Variants in NRXN2 observed in about 807,000 individuals in gnomAD.
NRXN2 encodes neurexin-2-beta.
In NRXN2, 29 loss-of-function variants were observed where a neutral mutation model predicts 128.8. The observed-to-expected ratio is 0.23, with a 90% CI of 0.17 to 0.31. The LOEUF (loss-of-function observed/expected upper bound fraction) is 0.31, where lower values mean the gene tolerates loss of function less well. Among genes scored for constraint, NRXN2 ranks in the 10% least tolerant of loss-of-function variants. The probability of loss-of-function intolerance (pLI) is 1.00; values close to 1 mark genes in which losing one functional copy is unlikely to be tolerated. For missense variants in NRXN2, 1,881 were observed against 2,452.6 expected (o/e 0.77, Z 4.92); for synonymous variants, 1,098 against 1,075.2 (o/e 1.02, Z -0.41).
intron 1 of NRXN2, among the ~76,000 whole-genome samples, chr11:64,718,805 C>G (rs571897454): frequency 5.3e-5 from 8 of 152,262 alleles, no homozygotes; most frequent in African/African-American, 1.7e-4. Context: ...CCTACCTCCC[C>G]CTTCCTTCCA....
intron 5 of NRXN2, chr11:64,688,585 C>CT (rs1436883181): frequency 2.0e-6 from 2 of 985,294 alleles, no homozygotes; most frequent in Admixed American, 1.2e-4. Flanking sequence ...GCGCTCTCCC[C>CT]TATCTCGCCG....
At chr11:64,715,512 C>G (rs1412612480) in intron 1 of NRXN2, among the ~76,000 whole-genome samples, 1 of 152,104 alleles carries the variant, frequency 6.6e-6, no homozygotes, top group Admixed American at 6.6e-5. Flanking sequence ...AACGAGGGAC[C>G]CCCTAAAAAA....
chr11:64,680,099 C>T (rs895026505), intron 6 of NRXN2, among the ~76,000 whole-genome samples: 3 of 152,220 alleles, frequency 2.0e-5, no homozygotes, highest in Non-Finnish European at 4.4e-5. Context: ...CACATCATAT[C>T]ATGTGGTCAT....
chr11:64,696,995 C>T (rs1465313233), intron 3 of NRXN2, among the ~76,000 whole-genome samples: 1 of 152,148 alleles, frequency 6.6e-6, no homozygotes, highest in African/African-American at 2.4e-5. Context: ...AGGAGAGACA[C>T]ATGGTCCAGG....
chr11:64,655,800 GAAGA>G (rs2048191600), intron 11 of NRXN2, among the ~76,000 whole-genome samples: 1 of 152,208 alleles, frequency 6.6e-6, no homozygotes, highest in African/African-American at 2.4e-5. Context: ...GCCCCATCCA[GAAGA>G]AAGCCAGAGA....
chr11:64,608,140 G>A (rs2040001124), intron 22 of NRXN2, 58 bp from the exon 23 acceptor site: 10 of 1,297,308 alleles, frequency 7.7e-6, no homozygotes, highest in Non-Finnish European at 7.6e-6. Flanking sequence ...GGGCGCAGGC[G>A]GCCGGCACAG....
chr11:64,699,425 C>CTTTTTTTTTTTTTTTTTTTTTTTTTTT (rs67776872), intron 2 of NRXN2, among the ~76,000 whole-genome samples: 1 of 92,122 alleles, frequency 1.1e-5, no homozygotes. Context: ...TAATAGTTTT[C>CTTTTTTTTTTTTTTTTTTTTTTTTTTT]TTTTTTTTTT....
rs372643880 is a variant in NRXN2, at chr11:64,652,168, G to A, written c.2417-14C>T. 1.9e-6 allele frequency: 3 copies of A among 1,608,536 alleles called. No individual in the cohort carries two copies. Among genetic ancestry groups the A allele is most frequent in the East Asian group, 4.5e-5 (2 of 44,810 alleles). The stretch of plus-strand genomic sequence containing the variant: ...CGGGGCCTTTACCTGCGGCACCAAG[G>A]GGGGAATGAGGAGGGCACCTATACA... On this transcript the variant is annotated splice_polypyrimidine_tract_variant and intron_variant, in intron 12 of 22. Coordinates refer to ENST00000265459, the MANE Select transcript of NRXN2 (RefSeq NM_015080.4).
At position 64,685,800 on chromosome 11, in the gene NRXN2, G is replaced by A. The variant is rs752760153; in HGVS notation, c.998C>T (p.Ser333Leu). 12 of 1,614,248 alleles carry A rather than the reference G, an allele frequency of 7.4e-6. No individual in the cohort carries two copies. Among genetic ancestry groups the A allele is most frequent in the Non-Finnish European group, 6.8e-6 (8 of 1,180,046 alleles). Residue 333 changes from serine (S) to leucine (L), a missense_variant, in exon 6 of 23, where the codon TCG becomes TTG. Coordinates refer to ENST00000265459, the MANE Select transcript of NRXN2 (RefSeq NM_015080.4). ...RNGLMLHTGK[S>L]ADYVNLSLKS... ...GAGGGACAGGTTGACGTAGTCGGCC[G>A]ACTTGCCTGTATGCAGCATCAGGCC...
intron 2 of NRXN2, 184 bp downstream of exon 2, chr11:64,712,786 C>A: frequency 1.4e-6 from 1 of 706,956 alleles, no homozygotes; most frequent in South Asian, 1.5e-5. Context: ...CCCCGCCCAC[C>A]GCCAACCCCA....
Position 64,607,104 on chromosome 11 carries a change from G to A in NRXN2, c.*92C>T. On this transcript the variant is annotated 3_prime_UTR_variant, in exon 23 of 23. Transcript: ENST00000265459. ...GAGAAGCCTGAGGCAGCCAGGGAGAGGGTCCCCAGGCCCCTGGCAGGGAGA... is the reference window on the plus strand; with the variant it reads ...GAGAAGCCTGAGGCAGCCAGGGAGAAGGTCCCCAGGCCCCTGGCAGGGAGA... The A allele has an allele frequency of 2.9e-6, 4 of 1,380,406 alleles. No individual in the cohort carries two copies. The South Asian group carries it at 5.2e-5, about 18-fold the overall frequency. The allele number at this position is 1,380,406 out of a possible 1,614,324, so 85.5% of individuals were successfully genotyped here.
chr11:64,620,063 C>T (rs1311464130), intron 22 of NRXN2, among the ~76,000 whole-genome samples: 1 of 152,246 alleles, frequency 6.6e-6, no homozygotes, highest in African/African-American at 2.4e-5. Flanking sequence ...GCTCTCAACC[C>T]CAGGACCCCA....
chr11:64,717,762 G>T (rs1448278129), intron 1 of NRXN2, among the ~76,000 whole-genome samples: 1 of 152,098 alleles, frequency 6.6e-6, no homozygotes, highest in African/African-American at 2.4e-5. Context: ...AGGTCATTTT[G>T]TCACTCAGGC....
At chr11:64,626,839 CAGAGGTTAA>C (rs1337773287) in intron 19 of NRXN2, among the ~76,000 whole-genome samples, 1 of 152,182 alleles carries the variant, frequency 6.6e-6, no homozygotes, top group African/African-American at 2.4e-5. Context: ...GGTCAAAGGT[CAGAGGTTAA>C]ACAGGTTTAT....
chr11:64,643,213 G>A, intron 17 of NRXN2: 2 of 982,974 alleles, frequency 2.0e-6, no homozygotes, highest in Non-Finnish European at 2.4e-6. Flanking sequence ...ACCGAGCTGG[G>A]GAGCGGGGCG....
chr11:64,653,791 T>A, intron 11 of NRXN2, 69 bp from the exon 12 acceptor site: 1 of 1,137,788 alleles, frequency 8.8e-7, no homozygotes, highest in Non-Finnish European at 1.3e-6. Flanking sequence ...TTTTTTTTTT[T>A]ACATCCTTCA....
chr11:64,644,322 C>T (rs954782744), intron 17 of NRXN2, among the ~76,000 whole-genome samples: 2 of 152,042 alleles, frequency 1.3e-5, no homozygotes, highest in Non-Finnish European at 2.9e-5. Context: ...CAAAAAGCTG[C>T]TCCCCCAGCC....
chr11:64,677,108 G>T (rs1467872088), intron 6 of NRXN2, 71 bp from the exon 7 acceptor site: 49 of 1,054,366 alleles, frequency 4.6e-5, no homozygotes, highest in Non-Finnish European at 6.5e-5. Flanking sequence ...AACAACAAAA[G>T]AACAGAATGA....
intron 17 of NRXN2, chr11:64,643,104 G>A: frequency 1.0e-6 from 1 of 986,516 alleles, no homozygotes; most frequent in Non-Finnish European, 1.2e-6. Context: ...TCAGAAACCC[G>A]GGGGAGCGCC....
Sources: gnomAD v4.1 joint callset for allele counts (sites outside exome capture counted in the v4.1 genomes callset) on GRCh38, gnomAD v4.1.1 for gene constraint, MANE v1.5 for transcripts, NCBI Gene and HGNC (gene_info 2026-07-23, HGNC 2026-07-21) for gene names.